Variants in SLC25A48 observed in about 807,000 individuals in gnomAD.
SLC25A48 encodes the protein solute carrier family 25 member 48, also known as CTC-321K16.1.
Under a neutral mutation model 32.2 loss-of-function variants are expected in SLC25A48, and 29 were observed. That is an observed-to-expected ratio of 0.90 (90% CI 0.67 to 1.23). The LOEUF (loss-of-function observed/expected upper bound fraction) is 1.23. Ranked by LOEUF, SLC25A48 falls within the 50% of genes most tolerant of loss-of-function variation. The pLI is 0.00. For missense variants in SLC25A48, 399 were observed against 422.7 expected (o/e 0.94, Z 0.49); for synonymous variants, 164 against 172.3 (o/e 0.95, Z 0.38).
At chr5:135,873,345 A>G (rs748502748) in intron 5 of SLC25A48, among the ~76,000 whole-genome samples, 5 of 152,178 alleles carry the variant, frequency 3.3e-5, no homozygotes, top group Admixed American at 6.5e-5. Flanking sequence ...ATAACCTGGC[A>G]TTGTTTTCCT....
intron 4 of SLC25A48, among the ~76,000 whole-genome samples, chr5:135,828,009 G>C (rs772891883): frequency 5.3e-5 from 8 of 152,246 alleles, no homozygotes; most frequent in Non-Finnish European, 8.8e-5. Context: ...CCATGTGTGT[G>C]CCATCCAGAA....
At chr5:135,676,739 T>C (rs1259636123) in intron 3 of SLC25A48, among the ~76,000 whole-genome samples, 1 of 152,026 alleles carries the variant, frequency 6.6e-6, no homozygotes, top group Non-Finnish European at 1.5e-5. Context: ...CAGGAGCATG[T>C]TGTTTAATTT....
intron 3 of SLC25A48, among the ~76,000 whole-genome samples, chr5:135,682,038 G>C (rs1426676790): frequency 6.6e-6 from 1 of 152,162 alleles, no homozygotes. Flanking sequence ...AATATCTGGA[G>C]CTCTCTCTGT....
chr5:135,773,021 A>G (rs1460121728), intron 3 of SLC25A48, among the ~76,000 whole-genome samples: 1 of 151,376 alleles, frequency 6.6e-6, no homozygotes, highest in African/African-American at 2.4e-5. Context: ...TACTCCCAAT[A>G]TCGCAGGGGG....
chr5:135,748,057 GAGA>G (rs1412499224), intron 3 of SLC25A48, among the ~76,000 whole-genome samples: 2 of 152,170 alleles, frequency 1.3e-5, no homozygotes, highest in Non-Finnish European at 2.9e-5. Flanking sequence ...ATCTGGTCAG[GAGA>G]AGAAGAACAG....
intron 6 of SLC25A48, 148 bp from the exon 7 acceptor site, chr5:135,879,820 G>A: frequency 8.7e-7 from 1 of 1,152,648 alleles, no homozygotes; most frequent in Non-Finnish European, 1.2e-6. Flanking sequence ...GGACTTCCCT[G>A]TGTGGTCTCT....
intron 3 of SLC25A48, among the ~76,000 whole-genome samples, chr5:135,782,318 A>G (rs1756733818): frequency 8.6e-6 from 1 of 115,838 alleles, no homozygotes; most frequent in African/African-American, 2.6e-5. Context: ...GGAGAAGATA[A>G]TATTACTTTT....
chr5:135,884,566 G>C (rs1275260023), intron 7 of SLC25A48, among the ~76,000 whole-genome samples: 2 of 152,132 alleles, frequency 1.3e-5, no homozygotes, highest in Non-Finnish European at 2.9e-5. Context: ...TGGTGCATTG[G>C]AGAGGCTCTA....
intron 3 of SLC25A48, among the ~76,000 whole-genome samples, chr5:135,721,862 A>G (rs1459996623): frequency 6.6e-6 from 1 of 152,196 alleles, no homozygotes. Context: ...CCCAAGAAGG[A>G]TGGGGTTGTG....
intron 3 of SLC25A48, among the ~76,000 whole-genome samples, chr5:135,747,241 T>C (rs965573233): frequency 5.3e-5 from 8 of 151,910 alleles, no homozygotes; most frequent in Non-Finnish European, 1.0e-4. Flanking sequence ...TATATAACTA[T>C]AGATACAGTT....
At chr5:135,621,669 T>C (rs1752327764) in intron 1 of SLC25A48, among the ~76,000 whole-genome samples, 1 of 152,110 alleles carries the variant, frequency 6.6e-6, no homozygotes, top group South Asian at 2.1e-4. Context: ...TTGATAAATA[T>C]ACTAAGGCAA....
At chr5:135,803,958 A>G (rs986877843) in intron 3 of SLC25A48, among the ~76,000 whole-genome samples, 9 of 151,160 alleles carry the variant, frequency 6.0e-5, no homozygotes, top group African/African-American at 2.2e-4. Flanking sequence ...TGTGTTCTTA[A>G]TATTCTAGGA....
chr5:135,605,355 C>T (rs1389794087), intron 1 of SLC25A48, among the ~76,000 whole-genome samples: 1 of 152,180 alleles, frequency 6.6e-6, no homozygotes, highest in African/African-American at 2.4e-5. Context: ...CTGGAAACAT[C>T]CAAAGGATTT....
intron 1 of SLC25A48, among the ~76,000 whole-genome samples, chr5:135,584,280 CA>C (rs1751308697): frequency 6.6e-6 from 1 of 152,202 alleles, no homozygotes; most frequent in African/African-American, 2.4e-5. Context: ...ATATTAAGAA[CA>C]CATGCAAAGA....
At chr5:135,772,036 A>G (rs1318353063) in intron 3 of SLC25A48, among the ~76,000 whole-genome samples, 1 of 150,278 alleles carries the variant, frequency 6.7e-6, no homozygotes, top group Non-Finnish European at 1.5e-5. Flanking sequence ...AATATTCATA[A>G]TGGGAGAGGA....
upstream of SLC25A48, chr5:135,834,505 G>A: frequency 2.9e-6 from 1 of 344,216 alleles, no homozygotes; most frequent in Non-Finnish European, 5.3e-6. Flanking sequence ...AAGTTGGCAA[G>A]GAAGAGGATA....
intron 7 of SLC25A48, among the ~76,000 whole-genome samples, chr5:135,886,057 C>T (rs775423792): frequency 9.2e-5 from 14 of 152,130 alleles, no homozygotes; most frequent in South Asian, 2.1e-4. Context: ...CTTTCAGTTC[C>T]GAATTTGATG....
chr5:135,634,993 A>AATGGCTAATTGCCTCTGAAC (rs1752666113), intron 3 of SLC25A48: 1 of 152,182 alleles, frequency 6.6e-6, no homozygotes, highest in South Asian at 2.1e-4. Context: ...GTTTTATGAC[A>AATGGCTAATTGCCTCTGAAC]ATGGCTAATT....
intron 3 of SLC25A48, among the ~76,000 whole-genome samples, chr5:135,676,487 A>G (rs1040865772): frequency 8.6e-5 from 13 of 151,462 alleles, no homozygotes; most frequent in African/African-American, 3.1e-4. Flanking sequence ...TCTTTATTAT[A>G]TCTCCTCTTC....
Sources: allele counts gnomAD v4.1 joint callset (sites outside exome capture counted in the v4.1 genomes callset), GRCh38; gene constraint gnomAD v4.1.1; transcripts MANE v1.5; gene names NCBI Gene and HGNC (gene_info 2026-07-23, HGNC 2026-07-21).